The following MMP26 variants were observed in gnomAD, a reference collection of about 807,000 sequenced individuals.
MMP26 encodes the protein matrix metalloproteinase-26.
In MMP26, 33 loss-of-function variants were observed where a neutral mutation model predicts 31.0. That is an observed-to-expected ratio of 1.06 (90% CI 0.81 to 1.42). The LOEUF (loss-of-function observed/expected upper bound fraction) is 1.42, where lower values mean the gene tolerates loss of function less well. MMP26 is among the 40% of genes most tolerant of loss of function. The pLI, the probability that MMP26 is intolerant of heterozygous loss-of-function variation, is 0.00. For missense variants in MMP26, 347 were observed against 316.1 expected (o/e 1.10, Z -0.74); for synonymous variants, 122 against 114.9 (o/e 1.06, Z -0.40).
intron 2 of MMP26, chr11:4,907,290 A>G (rs895125212): frequency 1.7e-5 from 16 of 938,224 alleles, no homozygotes; most frequent in Middle Eastern, 3.3e-4. Flanking sequence ...TCCTCACAAA[A>G]CTGAGTTTTA....
intron 2 of MMP26, among the ~76,000 whole-genome samples, chr11:4,819,566 ATTTTTTTTTTTTTTTTT>A (rs71050433): frequency 2.0e-5 from 1 of 50,278 alleles, no homozygotes; most frequent in Non-Finnish European, 3.3e-5. Context: ...GAGTCGACTG[ATTTTTTTTTTTTTTTTT>A]TTTTTTTTTT....
chr11:4,881,989 C>T (rs777346284), intron 2 of MMP26: 26 of 1,613,776 alleles, frequency 1.6e-5, no homozygotes, highest in Non-Finnish European at 2.2e-5. Flanking sequence ...TCTGGATCTC[C>T]ATTCCAGTCT....
intron 2 of MMP26, among the ~76,000 whole-genome samples, chr11:4,905,952 T>A (rs1453080853): frequency 6.6e-6 from 1 of 152,200 alleles, no homozygotes; most frequent in Non-Finnish European, 1.5e-5. Context: ...GTTTGGATTT[T>A]TTTCATTTAG....
intron 2 of MMP26, chr11:4,907,302 C>T: frequency 8.9e-7 from 1 of 1,120,086 alleles, no homozygotes; most frequent in Admixed American, 2.1e-5. Flanking sequence ...TGAGTTTTAA[C>T]CAAAAGCATG....
At chr11:4,883,974 T>C (rs1850514484) in intron 2 of MMP26, among the ~76,000 whole-genome samples, 1 of 152,112 alleles carries the variant, frequency 6.6e-6, no homozygotes, top group Non-Finnish European at 1.5e-5. Flanking sequence ...AACTTCCTGT[T>C]CCTTGGCAGA....
chr11:4,923,764 A>G, intron 2 of MMP26: 1 of 1,614,042 alleles, frequency 6.2e-7, no homozygotes, highest in African/African-American at 1.3e-5. Flanking sequence ...CAATGATGCT[A>G]GAGCAGGCCA....
intron 2 of MMP26, among the ~76,000 whole-genome samples, chr11:4,984,460 G>C (rs1420154175): frequency 6.6e-6 from 1 of 152,058 alleles, no homozygotes; most frequent in African/African-American, 2.4e-5. Flanking sequence ...TTATATGCTC[G>C]TATGTATCAA....
At chr11:4,822,571 A>G (rs891212908) in intron 2 of MMP26, 1 of 450,376 alleles carries the variant, frequency 2.2e-6, no homozygotes, top group African/African-American at 2.0e-5. Context: ...TGTTTTCAAT[A>G]TGAAGTGAAG....
At chr11:4,966,768 C>A (rs961575868) in intron 2 of MMP26, among the ~76,000 whole-genome samples, 1 of 152,172 alleles carries the variant, frequency 6.6e-6, no homozygotes, top group African/African-American at 2.4e-5. Flanking sequence ...GCTATCTTAT[C>A]TGTTGAGACT....
chr11:4,883,009 A>G (rs1381214444), intron 2 of MMP26: 3 of 689,456 alleles, frequency 4.4e-6, no homozygotes, highest in Admixed American at 2.9e-5. Context: ...AGAAGACAGT[A>G]ATTTTCCCCT....
intron 1 of MMP26, chr11:4,756,835 C>T (rs1848510647): frequency 6.6e-6 from 1 of 151,336 alleles, no homozygotes; most frequent in Non-Finnish European, 1.5e-5. Flanking sequence ...AAAACTAAGA[C>T]ACTGACGACT....
intron 2 of MMP26, chr11:4,913,148 T>A (rs551420498): frequency 1.3e-5 from 2 of 152,216 alleles, no homozygotes; most frequent in African/African-American, 2.4e-5. Context: ...TGTGGCTAAA[T>A]AAGCTCTTTT....
At position 4,849,458 on chromosome 11, in the gene MMP26, T is replaced by A. The variant is rs571823616; in HGVS notation, c.-145+82117T>A. Among the ~76,000 whole-genome samples, 3 of 152,326 alleles carry A rather than the reference T, an allele frequency of 2.0e-5. No individual in the cohort carries two copies. The South Asian group carries it at 6.2e-4, about 32-fold the overall frequency. ...CTGTCCTCATAGCTCTGTGGTTCTG[T>A]TTCTTTTCCTAGATTGTTTTCACAT... On this transcript the variant is annotated intron_variant, in intron 2 of 7. Coordinates refer to ENST00000380390, the MANE Select transcript of MMP26 (RefSeq NM_021801.5).
chr11:4,955,457 A>T, intron 2 of MMP26: 1 of 1,207,996 alleles, frequency 8.3e-7, no homozygotes, highest in Non-Finnish European at 1.1e-6. Context: ...GAACAGGAAG[A>T]TGCTTAACAC....
intron 2 of MMP26, among the ~76,000 whole-genome samples, chr11:4,970,475 G>T (rs1224783919): frequency 3.3e-5 from 5 of 152,158 alleles, no homozygotes; most frequent in African/African-American, 1.2e-4. Context: ...GATGATTGCT[G>T]TTTGGGGTTC....
At position 4,867,963 on chromosome 11, in the gene MMP26, G is replaced by C. The variant is rs1031030654; in HGVS notation, c.-145+100622G>C. On this transcript the variant is annotated intron_variant, in intron 2 of 7. Coordinates refer to ENST00000380390, the MANE Select transcript of MMP26 (RefSeq NM_021801.5). ...CATGTGTGTGTTAATTGCAGCACTA[G>C]TCACAATAGCAAAGACATGAAGTCA... Among the ~76,000 whole-genome samples the C allele has an allele frequency of 2.6e-5, 4 of 152,038 alleles. No homozygotes were observed. In the East Asian group the frequency reaches 5.8e-4, roughly 22 times the overall value.
At chr11:4,856,785 C>T (rs1220680807) in intron 2 of MMP26, among the ~76,000 whole-genome samples, 1 of 152,190 alleles carries the variant, frequency 6.6e-6, no homozygotes, top group Non-Finnish European at 1.5e-5. Context: ...CTCAGCACCA[C>T]GTCGCACTTA....
intron 2 of MMP26, among the ~76,000 whole-genome samples, chr11:4,981,770 AT>A (rs1003988463): frequency 6.6e-6 from 1 of 151,700 alleles, no homozygotes; most frequent in African/African-American, 2.4e-5. Context: ...ACTGTAAAAA[AT>A]TTTTTCTTTA....
At chr11:4,972,678 CATT>C (rs149396514) in intron 2 of MMP26, among the ~76,000 whole-genome samples, 4,883 of 152,104 alleles carry the variant, frequency 0.032, 277 homozygotes, top group African/African-American at 0.11. Context: ...TTATTTTAAT[CATT>C]ATGAAAATGA....
Sources: allele counts gnomAD v4.1 joint callset (sites outside exome capture counted in the v4.1 genomes callset), GRCh38; gene constraint gnomAD v4.1.1; transcripts MANE v1.5; gene names NCBI Gene and HGNC (gene_info 2026-07-23, HGNC 2026-07-21).